Variants in SLC19A1 observed in about 807,000 individuals in gnomAD.
SLC19A1 encodes reduced folate transporter.
Under a neutral mutation model 35.3 loss-of-function variants are expected in SLC19A1, and 37 were observed. The observed-to-expected ratio is 1.05, with a 90% CI of 0.81 to 1.38. The LOEUF (loss-of-function observed/expected upper bound fraction) is 1.38. SLC19A1 is among the 40% of genes most tolerant of loss of function. The probability of loss-of-function intolerance (pLI) is 0.00; values close to 1 mark genes in which losing one functional copy is unlikely to be tolerated. For missense variants in SLC19A1, 831 were observed against 826.9 expected, an observed-to-expected ratio of 1.00 and a Z score of -0.06; for synonymous variants, 460 against 398.5, an observed-to-expected ratio of 1.15 and a Z score of -1.84.
chr21:45,525,674 G>T, intron 5 of SLC19A1, 143 bp downstream of exon 5: 2 of 850,108 alleles, frequency 2.4e-6, no homozygotes, highest in Non-Finnish European at 3.6e-6. Context: ...CGCTGGCCTG[G>T]TGTGTCCCAC....
chr21:45,536,150 A>C (rs1426455015), intron 2 of SLC19A1: 1 of 160,434 alleles, frequency 6.2e-6, no homozygotes, highest in Non-Finnish European at 1.4e-5. Flanking sequence ...TGCGCAGAGC[A>C]CCTGCACCCA....
downstream of SLC19A1, among the ~76,000 whole-genome samples, chr21:45,509,863 C>T (rs2037469408): frequency 6.6e-6 from 1 of 152,222 alleles, no homozygotes; most frequent in Admixed American, 6.5e-5. Flanking sequence ...CTGGGGGCAC[C>T]CACGTGGCCC....
chr21:45,527,035 C>T (rs964407165), intron 4 of SLC19A1, among the ~76,000 whole-genome samples: 9 of 152,396 alleles, frequency 5.9e-5, no homozygotes, highest in African/African-American at 2.2e-4. Context: ...CCTCTGGGCA[C>T]AGACAGAAAA....
rs1002126692 is a variant in SLC19A1 at position 45,504,002 on chromosome 21, C to G, written c.498-5390G>C. On this transcript the variant is annotated intron_variant, in intron 3 of 4. Transcript: ENST00000417954. ...CCTCAGCGAGACCCCGCCTGTCTCT[C>G]TCTTGCAGGGCAGTTTCCGTTTGAC... The G allele has an allele frequency of 6.2e-7, 1 of 1,613,368 alleles. No individual in the cohort carries two copies. The highest frequency in any genetic ancestry group is 1.3e-5 in the African/African-American group (1 of 74,752).
chr21:45,545,881 G>A (rs572003554), upstream of SLC19A1, among the ~76,000 whole-genome samples: 1 of 152,338 alleles, frequency 6.6e-6, no homozygotes, highest in Admixed American at 6.5e-5. Flanking sequence ...AATCTGCTTG[G>A]TAGAGGTGCG....
At chr21:45,508,058 T>G (rs1602635922), downstream of SLC19A1, among the ~76,000 whole-genome samples, 1 of 135,972 alleles carries the variant, frequency 7.4e-6, no homozygotes, top group Non-Finnish European at 1.6e-5. Context: ...GATGGGGAGG[T>G]GGATGGATGA....
At chr21:45,511,982 C>T (rs373716453), downstream of SLC19A1, among the ~76,000 whole-genome samples, 324 of 152,254 alleles carry the variant, frequency 2.1e-3, 4 homozygotes, top group African/African-American at 7.6e-3. Context: ...CTGGCAGAAG[C>T]AGCATGGGGG....
chr21:45,503,328 T>C (rs571469462), intron 3 of SLC19A1, among the ~76,000 whole-genome samples: 202 of 152,232 alleles, frequency 1.3e-3, no homozygotes, highest in African/African-American at 4.4e-3. Context: ...CCAGTGATGA[T>C]GAGCATTTTT....
At position 45,515,058 on chromosome 21, in the gene SLC19A1, C is replaced by T; in HGVS notation, c.*600G>A. On this transcript the variant is annotated 3_prime_UTR_variant, in exon 6 of 6. Transcript: ENST00000311124. ...GGGAGAGAGGAACCAGCTCCGAGGA[C>T]CAGAGCCGCTGCTCCCCTCTGATGA... 2 of 1,545,158 alleles carry T rather than the reference C, an allele frequency of 1.3e-6. No homozygotes were observed. Among genetic ancestry groups the T allele is most frequent in the East Asian group, 2.4e-5 (1 of 40,820 alleles).
At position 45,531,415 on chromosome 21, in the gene SLC19A1, G is replaced by A. The variant is rs746675891; in HGVS notation, c.923C>T (p.Ala308Val). 11 of 1,594,472 alleles carry A rather than the reference G, an allele frequency of 6.9e-6. No individual in the cohort carries two copies. The Middle Eastern group carries it at 6.7e-4, about 97-fold the overall frequency. ...CAGCAGCGTGGAGGCAGCATCTGCC[G>A]CGCCGTTGTAGACCCGCGCACTGTT... Reference protein sequence around the residue: ...TTNSARVYNGAADAASTLLGA... With the variant: ...TTNSARVYNGVADAASTLLGA... The change falls in exon 3 of 6, where the codon GCG becomes GTG. Residue 308 changes from alanine (A) to valine (V), a missense_variant. Physicochemically the swap from Ala to Val is moderately conservative, Grantham distance 64 (BLOSUM62 0). Transcript: ENST00000311124.
At chr21:45,557,113 C>T (rs1201002296) in intron 1 of SLC19A1, among the ~76,000 whole-genome samples, 2 of 152,216 alleles carry the variant, frequency 1.3e-5, no homozygotes, top group Non-Finnish European at 2.9e-5. Context: ...CACGTGTCAG[C>T]TCCTTGCACA....
At chr21:45,510,310 C>T (rs976842572), downstream of SLC19A1, 1 of 1,546,486 alleles carries the variant, frequency 6.5e-7, no homozygotes. Context: ...CCCCACTTGA[C>T]CTCTGGGGTG....
chr21:45,515,577 T>C lies in SLC19A1; in HGVS notation c.*81A>G, dbSNP rs1291896261. ...CAGGATAAGCGGAGGCCCCCATTGCTAAGGCAGGCGGCCCTCGAGGCAGGG... is the reference window on the plus strand; with the variant it reads ...CAGGATAAGCGGAGGCCCCCATTGCCAAGGCAGGCGGCCCTCGAGGCAGGG... On this transcript the variant is annotated 3_prime_UTR_variant, in exon 6 of 6. Transcript: ENST00000311124. The C allele has an allele frequency of 1.3e-6, 2 of 1,585,780 alleles. No homozygotes were observed. The highest frequency in any genetic ancestry group is 1.7e-6 in the Non-Finnish European group (2 of 1,172,600).
chr21:45,550,626 C>CG (rs2078456026), intron 1 of SLC19A1, among the ~76,000 whole-genome samples: 1 of 152,240 alleles, frequency 6.6e-6, no homozygotes, highest in Non-Finnish European at 1.5e-5. Context: ...GCAGCCCCGC[C>CG]GGGAGGCTTG....
At chr21:45,528,728 A>G (rs935652316) in intron 4 of SLC19A1, among the ~76,000 whole-genome samples, 2 of 152,206 alleles carry the variant, frequency 1.3e-5, no homozygotes, top group African/African-American at 2.4e-5. Context: ...TGTAAGAAAA[A>G]TGGAAATGGT....
upstream of SLC19A1, among the ~76,000 whole-genome samples, chr21:45,545,831 T>G (rs960963858): frequency 3.3e-5 from 5 of 152,174 alleles, no homozygotes; most frequent in Admixed American, 3.3e-4. Flanking sequence ...GTCTCCCCAG[T>G]CTCACCTTGC....
At chr21:45,510,411 C>T (rs543225964), downstream of SLC19A1, 426 of 901,222 alleles carry the variant, frequency 4.7e-4, 1 homozygote, top group Non-Finnish European at 5.8e-4. Context: ...GGGCAGGCTC[C>T]GGGTGGGTCA....
intron 1 of SLC19A1, among the ~76,000 whole-genome samples, chr21:45,551,573 C>G (rs1348444423): frequency 6.6e-6 from 1 of 152,142 alleles, no homozygotes. Flanking sequence ...TCAAACGTTT[C>G]CAGTAGGCAG....
chr21:45,538,140 C>T, intron 1 of SLC19A1, 132 bp from the exon 2 acceptor site: 2 of 521,528 alleles, frequency 3.8e-6, no homozygotes, highest in South Asian at 5.9e-5. Flanking sequence ...ATGCAGACCC[C>T]AGACCCATCC....
Sources: gnomAD v4.1 joint callset for allele counts (sites outside exome capture counted in the v4.1 genomes callset) on GRCh38, gnomAD v4.1.1 for gene constraint, MANE v1.5 for transcripts, NCBI Gene and HGNC (gene_info 2026-07-23, HGNC 2026-07-21) for gene names.